FHL3: variants seen among roughly 807,000 people sequenced by gnomAD.
The protein encoded by FHL3 is four and a half LIM domains protein 3.
A neutral mutation model predicts 34.3 loss-of-function variants in FHL3; 21 were observed. That is an observed-to-expected ratio of 0.61 (90% CI 0.43 to 0.88). FHL3 has a LOEUF of 0.88. Ranked by LOEUF, FHL3 falls within the 40% of genes least tolerant of loss-of-function variation. The pLI is 0.00. For synonymous variants in FHL3, 137 were observed against 144.6 expected (o/e 0.95, Z 0.38); for missense variants, 333 against 373.7 (o/e 0.89, Z 0.90).
rs924280934 is a variant in FHL3, at chr1:37,997,808, A to G, written c.564T>C (p.Cys188=). 2.5e-6 allele frequency: 4 copies of G among 1,613,986 alleles called. No individual in the cohort carries two copies. Among genetic ancestry groups the G allele is most frequent in the Admixed American group, 1.7e-5 (1 of 60,008 alleles). ...CTGCCAGGGGCGTCTGGCATCCGGT[A>G]CAGACCAGACATTCTCGATGCCACG... is the stretch of plus-strand genomic sequence containing the variant. ...DQPWHRECLV[C]TGCQTPLAGQ... The change falls in exon 5 of 6, where the codon TGT becomes TGC. Residue 188 remains cysteine, a synonymous_variant. Coordinates refer to ENST00000373016, the MANE Select transcript of FHL3 (RefSeq NM_004468.5). The surrounding 1 kb of genome is among the most constrained non-coding windows in gnomAD (Gnocchi z 4.3).
At chr1:37,998,224 C>G in intron 3 of FHL3, 92 bp from the exon 4 acceptor site, 1 of 1,148,168 alleles carries the variant, frequency 8.7e-7, no homozygotes, top group Non-Finnish European at 1.3e-6. Context: ...ACTCCTCTCT[C>G]AGCGTGAGCA....
Position 37,999,335 on chromosome 1 carries a change from G to A in FHL3, c.78C>T (p.Pro26=). The A allele has an allele frequency of 6.2e-7, 1 of 1,614,258 alleles. No homozygotes were observed. Among genetic ancestry groups the A allele is most frequent in the Non-Finnish European group, 8.5e-7 (1 of 1,180,046 alleles). ...GRKYIQTDSG[P]YCVPCYDNTF... ...TATTGTCATAGCAGGGCACACAGTA[G>A]GGGCCGCTGTCTGTCTGGATGTACT... Residue 26 remains proline, a synonymous_variant, in exon 2 of 6, where the codon CCC becomes CCT. Transcript: ENST00000373016.
intron 1 of FHL3, among the ~76,000 whole-genome samples, chr1:38,003,703 AG>A (rs1213527929): frequency 6.6e-6 from 1 of 152,222 alleles, no homozygotes; most frequent in East Asian, 1.9e-4. Context: ...GGCCAGGAAT[AG>A]AGCAGGTTCA....
Position 37,997,599 on chromosome 1 carries a change from T to C in FHL3, c.689-40A>G, listed in dbSNP as rs1385538467. On this transcript the variant is annotated intron_variant, in intron 5 of 5. Transcript: ENST00000373016. The surrounding 1 kb of genome is among the most constrained non-coding windows in gnomAD (Gnocchi z 4.3). Reference sequence around the variant, plus strand: ...GAAGTTAGCTATGCAGATGTGGGGATGGTCCGGCCCTCAACCTCACCCAAT... The same window carrying C: ...GAAGTTAGCTATGCAGATGTGGGGACGGTCCGGCCCTCAACCTCACCCAAT... 2.5e-6 allele frequency: 4 copies of C among 1,613,178 alleles called. No individual in the cohort carries two copies. The highest frequency in any genetic ancestry group is 2.7e-5 in the African/African-American group (2 of 74,978).
intron 1 of FHL3, among the ~76,000 whole-genome samples, chr1:38,002,995 T>C (rs1646610759): frequency 6.6e-6 from 1 of 151,134 alleles, no homozygotes; most frequent in Non-Finnish European, 1.5e-5. Flanking sequence ...CCATCTCCAC[T>C]AAAAATACAA....
intron 1 of FHL3, among the ~76,000 whole-genome samples, chr1:38,002,535 A>ATTT (rs35702463): frequency 5.6e-5 from 6 of 106,758 alleles, no homozygotes; most frequent in African/African-American, 1.9e-4. Context: ...TGCCAGCCCA[A>ATTT]TTTTTTTTTT....
chr1:37,998,912 A>G, intron 3 of FHL3, 62 bp downstream of exon 3: 1 of 1,534,988 alleles, frequency 6.5e-7, no homozygotes, highest in Admixed American at 1.7e-5. Context: ...TATCAGACAG[A>G]CACATGCAAA....
Position 37,997,311 on chromosome 1 carries a change from T to C in FHL3, c.*94A>G. The C allele has an allele frequency of 7.2e-7, 1 of 1,383,404 alleles. No individual in the cohort carries two copies. The highest frequency in any genetic ancestry group is 1.4e-5 in the South Asian group (1 of 73,402). The allele number at this position is 1,383,404 out of a possible 1,614,324, so 85.7% of individuals were successfully genotyped here. On this transcript the variant is annotated 3_prime_UTR_variant, in exon 6 of 6. Transcript: ENST00000373016. This position sits in a 1 kb window ranked among gnomAD's most constrained non-coding sequence, Gnocchi z 4.3. ...GAGCCCAGAAGGAGACCCATTTTTT[T>C]TGGCGGGGGGAGCTGAGTCCCAGAG...
Position 37,998,151 on chromosome 1 carries a change from C to G in FHL3, c.332-19G>C. ...CGGGACCCTGTGGGGAACAGGGGTC[C>G]CATTTAGAGGTTGTGTCCCATGCTC... is the stretch of plus-strand genomic sequence containing the variant. On this transcript the variant is annotated intron_variant, in intron 3 of 5. Transcript: ENST00000373016. The G allele has an allele frequency of 6.2e-7, 1 of 1,612,644 alleles. No homozygotes were observed. Among genetic ancestry groups the G allele is most frequent in the South Asian group, 1.1e-5 (1 of 90,924 alleles).
chr1:37,997,135 C>G lies in FHL3; in HGVS notation c.*270G>C. ...CCCTGATTTGGGGAGAGGACTCAGT[C>G]TGGGAACCCAGACTGCAGGGGAGAG... On this transcript the variant is annotated 3_prime_UTR_variant, in exon 6 of 6. Coordinates refer to ENST00000373016, the MANE Select transcript of FHL3 (RefSeq NM_004468.5). The surrounding 1 kb of genome is among the most constrained non-coding windows in gnomAD (Gnocchi z 4.3). The G allele has an allele frequency of 2.4e-6, 1 of 419,882 alleles. No homozygotes were observed. The allele number at this position is 419,882 out of a possible 1,614,324, so 26.0% of individuals were successfully genotyped here. A position where few individuals can be genotyped will look rare whatever the true frequency, so the allele number is the denominator to read the frequency against.
intron 1 of FHL3, among the ~76,000 whole-genome samples, chr1:38,002,495 A>G (rs1646605529): frequency 6.6e-6 from 1 of 151,820 alleles, no homozygotes; most frequent in Non-Finnish European, 1.5e-5. Flanking sequence ...TGGGTTCCCA[A>G]AGTGCTGGGA....
Position 37,997,663 on chromosome 1 carries a change from G to A in FHL3, c.688+21C>T, listed in dbSNP as rs768652261. The A allele has an allele frequency of 1.2e-5, 19 of 1,613,504 alleles. No individual in the cohort carries two copies. The South Asian group carries it at 1.5e-4, about 13-fold the overall frequency. On this transcript the variant is annotated intron_variant, in intron 5 of 5. Coordinates refer to ENST00000373016, the MANE Select transcript of FHL3 (RefSeq NM_004468.5). This position sits in a 1 kb window ranked among gnomAD's most constrained non-coding sequence, Gnocchi z 4.3. ...CCCTTGCCTGCACCCTACCCACTCC[G>A]TTCTTTGACCCTTGTCCCACCTACG...
At position 37,997,167 on chromosome 1, in the gene FHL3, T is replaced by G; in HGVS notation, c.*238A>C. 1.0e-5 allele frequency: 5 copies of G among 501,896 alleles called. No homozygotes were observed. The highest frequency in any genetic ancestry group is 3.5e-5 in the East Asian group (1 of 28,392). 31.1% of individuals were successfully genotyped at this position (501,896 alleles called of 1,614,324 possible). ...CCCAGACTGCAGGGGAGAGGGTGAA[T>G]TCTGGAGTCCAGGTGTGGGGAGGGG... On this transcript the variant is annotated 3_prime_UTR_variant, in exon 6 of 6. Coordinates refer to ENST00000373016, the MANE Select transcript of FHL3 (RefSeq NM_004468.5). This position sits in a 1 kb window ranked among gnomAD's most constrained non-coding sequence, Gnocchi z 4.3.
chr1:38,003,751 T>C (rs1374757633), intron 1 of FHL3, among the ~76,000 whole-genome samples: 1 of 152,142 alleles, frequency 6.6e-6, no homozygotes, highest in Non-Finnish European at 1.5e-5. Context: ...GTCCCCTGCC[T>C]CCCAGCCCAG....
At chr1:38,004,681 C>T (rs1646626040) in intron 1 of FHL3, among the ~76,000 whole-genome samples, 2 of 152,188 alleles carry the variant, frequency 1.3e-5, no homozygotes, top group Non-Finnish European at 2.9e-5. Context: ...CACCACCTCC[C>T]TTTCTCTGTC....
intron 1 of FHL3, among the ~76,000 whole-genome samples, chr1:38,001,431 CT>C (rs1443272259): frequency 6.6e-6 from 1 of 152,220 alleles, no homozygotes; most frequent in Non-Finnish European, 1.5e-5. Flanking sequence ...GGTCCACCCC[CT>C]GAGAGACAGT....
At chr1:38,003,258 T>C (rs1646613247) in intron 1 of FHL3, among the ~76,000 whole-genome samples, 1 of 152,206 alleles carries the variant, frequency 6.6e-6, no homozygotes, top group South Asian at 2.1e-4. Context: ...TGTGCCACCA[T>C]GCCCAGCTAG....
chr1:38,000,973 A>G (rs1002019337), intron 1 of FHL3, among the ~76,000 whole-genome samples: 1 of 152,162 alleles, frequency 6.6e-6, no homozygotes, highest in Admixed American at 6.5e-5. Context: ...AAGCTGAAGG[A>G]GAAGTCCTCC....
intron 1 of FHL3, among the ~76,000 whole-genome samples, chr1:38,005,058 C>G (rs1646630236): frequency 6.6e-6 from 1 of 152,196 alleles, no homozygotes; most frequent in South Asian, 2.1e-4. Flanking sequence ...TTCTCCAGCG[C>G]TTCTGGTCGG....
Sources: gnomAD v4.1 joint callset for allele counts (sites outside exome capture counted in the v4.1 genomes callset) on GRCh38, gnomAD v4.1.1 for gene constraint, Gnocchi (gnomAD v3.1) non-coding constraint, MANE v1.5 for transcripts, NCBI Gene and HGNC (gene_info 2026-07-23, HGNC 2026-07-21) for gene names.